Variants in GABPB1 observed in about 807,000 individuals in gnomAD.
The protein encoded by GABPB1 is GA binding protein transcription factor subunit beta 1, also known as GA-binding protein subunit beta-1.
A neutral mutation model predicts 45.9 loss-of-function variants in GABPB1; 15 were observed. The ratio of observed to expected loss-of-function variants is 0.33; its 90% CI spans 0.22 to 0.50. The LOEUF (loss-of-function observed/expected upper bound fraction) is 0.50. Ranked by LOEUF, GABPB1 falls within the 20% of genes least tolerant of loss-of-function variation. The pLI is 0.98. For synonymous variants in GABPB1, 143 were observed against 154.4 expected, an observed-to-expected ratio of 0.93 and a Z score of 0.55; for missense variants, 252 against 457.5, an observed-to-expected ratio of 0.55 and a Z score of 4.10.
At chr15:50,354,574 T>G (rs1301204490) in intron 1 of GABPB1, 13 of 448,892 alleles carry the variant, frequency 2.9e-5, no homozygotes, top group Non-Finnish European at 4.5e-5. Context: ...TTCCTCTTTC[T>G]CCCGCCCACT....
intron 1 of GABPB1, among the ~76,000 whole-genome samples, chr15:50,325,821 G>A (rs2047736029): frequency 6.6e-6 from 1 of 151,712 alleles, no homozygotes; most frequent in South Asian, 2.1e-4. Flanking sequence ...GTGAGCCACT[G>A]CGCCCGGCCT....
At chr15:50,308,865 GA>G (rs2047034238) in intron 2 of GABPB1, among the ~76,000 whole-genome samples, 2 of 152,000 alleles carry the variant, frequency 1.3e-5, no homozygotes, top group Non-Finnish European at 2.9e-5. Flanking sequence ...ATGGTCCCTG[GA>G]ATTTGCTTTA....
At chr15:50,311,190 T>G (rs2047121328) in intron 1 of GABPB1, among the ~76,000 whole-genome samples, 1 of 152,050 alleles carries the variant, frequency 6.6e-6, no homozygotes, top group Non-Finnish European at 1.5e-5. Flanking sequence ...ACATTCAAAT[T>G]CAAGGGATGA....
chr15:50,290,219 A>C (rs576166312), intron 6 of GABPB1, among the ~76,000 whole-genome samples: 2 of 152,326 alleles, frequency 1.3e-5, no homozygotes, highest in African/African-American at 2.4e-5. Flanking sequence ...TGAGTGGTTA[A>C]ACAATTTCTC....
intron 6 of GABPB1, among the ~76,000 whole-genome samples, chr15:50,291,341 C>G (rs926124041): frequency 6.7e-6 from 1 of 149,416 alleles, no homozygotes; most frequent in Non-Finnish European, 1.5e-5. Flanking sequence ...TTTTTTGAGA[C>G]GAAATCTCAC....
intron 7 of GABPB1, among the ~76,000 whole-genome samples, chr15:50,286,952 T>A (rs1488266602): frequency 6.6e-6 from 1 of 152,162 alleles, no homozygotes; most frequent in African/African-American, 2.4e-5. Context: ...CCTTTAAAAT[T>A]TTTTGCCAAA....
At chr15:50,326,836 A>T (rs1427812644) in intron 1 of GABPB1, among the ~76,000 whole-genome samples, 2 of 124,118 alleles carry the variant, frequency 1.6e-5, no homozygotes, top group African/African-American at 8.2e-5. Flanking sequence ...CCCCGTCTTT[A>T]AAAAAAAAAA....
At chr15:50,334,030 CA>C (rs34377380) in intron 1 of GABPB1, among the ~76,000 whole-genome samples, 72 of 125,582 alleles carry the variant, frequency 5.7e-4, no homozygotes, top group Non-Finnish European at 6.4e-4. Context: ...AACTCGATCT[CA>C]AAAAAAAAAA....
intron 1 of GABPB1, among the ~76,000 whole-genome samples, chr15:50,338,841 T>C (rs1287263535): frequency 6.6e-6 from 1 of 152,216 alleles, no homozygotes; most frequent in Non-Finnish European, 1.5e-5. Context: ...TCTATTTTTG[T>C]TTCTTTGAAT....
Position 50,300,847 on chromosome 15 carries a change from A to G in GABPB1, c.639T>C (p.Ala213=), listed in dbSNP as rs752361333. 1.7e-5 allele frequency: 28 copies of G among 1,613,290 alleles called. No individual in the cohort carries two copies. The highest frequency in any genetic ancestry group is 2.2e-5 in the Non-Finnish European group (26 of 1,179,360). Residue 213 remains alanine, a synonymous_variant, in exon 6 of 9, where the codon GCT becomes GCC. Coordinates refer to ENST00000380877, the MANE Select transcript of GABPB1 (RefSeq NM_016654.5). ...QFGNSSTSVL[A]TLAALAEASA... ...ATGCTTCAGCTAAGGCAGCTAATGT[A>G]GCTAATACTGATGTAGAAGAGTTTC... is the stretch of plus-strand genomic sequence containing the variant.
At chr15:50,335,198 A>G (rs1444097389) in intron 1 of GABPB1, among the ~76,000 whole-genome samples, 2 of 152,178 alleles carry the variant, frequency 1.3e-5, no homozygotes, top group African/African-American at 4.8e-5. Context: ...GCTCAGTACC[A>G]ACACAACTTG....
chr15:50,304,418 T>G (rs2046867591), intron 2 of GABPB1, among the ~76,000 whole-genome samples: 1 of 152,168 alleles, frequency 6.6e-6, no homozygotes, highest in East Asian at 1.9e-4. Context: ...CATTAGAAAT[T>G]AAGATATAGA....
chr15:50,305,575 T>A (rs1489034997), intron 2 of GABPB1, among the ~76,000 whole-genome samples: 1 of 152,150 alleles, frequency 6.6e-6, no homozygotes, highest in Non-Finnish European at 1.5e-5. Context: ...CCTTAAACAA[T>A]CCTTTCTTTC....
At chr15:50,310,053 G>T (rs1026685910) in intron 1 of GABPB1, among the ~76,000 whole-genome samples, 10 of 152,176 alleles carry the variant, frequency 6.6e-5, no homozygotes, top group African/African-American at 2.4e-4. Context: ...GTAAAAGATA[G>T]AAGAGGTAAG....
At chr15:50,313,808 ATTT>A in intron 1 of GABPB1, among the ~76,000 whole-genome samples, 1 of 152,154 alleles carries the variant, frequency 6.6e-6, no homozygotes, top group Non-Finnish European at 1.5e-5. Flanking sequence ...AAATTTTGTC[ATTT>A]TACAAAGTTT....
chr15:50,283,086 C>T (rs2046040092), intron 8 of GABPB1, among the ~76,000 whole-genome samples: 2 of 152,132 alleles, frequency 1.3e-5, no homozygotes, highest in African/African-American at 4.8e-5. Context: ...AAACATTTAT[C>T]TCTAACCTCC....
In GABPB1 at chr15:50,278,061, T is replaced by C. The variant is rs2045872930; in HGVS notation, c.*571A>G. The C allele has an allele frequency of 6.6e-6, 1 of 152,638 alleles. No individual in the cohort carries two copies. Among genetic ancestry groups the C allele is most frequent in the Non-Finnish European group, 1.5e-5 (1 of 68,034 alleles). The allele number at this position is 152,638 out of a possible 1,614,324, so 9.5% of individuals were successfully genotyped here. On this transcript the variant is annotated 3_prime_UTR_variant, in exon 9 of 9. Transcript: ENST00000380877. ...ACAGAAATTTTTAAAAATATTTGCTTCATATACATGTAAATCTACTTGGGT... is the reference window on the plus strand; with the variant it reads ...ACAGAAATTTTTAAAAATATTTGCTCCATATACATGTAAATCTACTTGGGT...
rs1004572155 is a variant in GABPB1, at chr15:50,275,518, C to T, written c.*3114G>A. On this transcript the variant is annotated 3_prime_UTR_variant, in exon 9 of 9. Coordinates refer to ENST00000380877, the MANE Select transcript of GABPB1 (RefSeq NM_016654.5). ...AAAATGCAATTAATACCCTGATAAA[C>T]CCATTGTAAAGTCAAACAATCATAA... The T allele has an allele frequency of 5.3e-5, 8 of 152,116 alleles. No individual in the cohort carries two copies. Among genetic ancestry groups the T allele is most frequent in the South Asian group, 2.1e-4 (1 of 4,830 alleles). The allele number at this position is 152,116 out of a possible 1,614,324, so 9.4% of individuals were successfully genotyped here. A position where few individuals can be genotyped will look rare whatever the true frequency, so the allele number is the denominator to read the frequency against.
chr15:50,296,285 T>A (rs1368459808), intron 6 of GABPB1, among the ~76,000 whole-genome samples: 1 of 152,216 alleles, frequency 6.6e-6, no homozygotes, highest in Non-Finnish European at 1.5e-5. Flanking sequence ...GAGCTTACAC[T>A]ATATTTTGGT....
Sources: gnomAD v4.1 joint callset for allele counts (sites outside exome capture counted in the v4.1 genomes callset) on GRCh38, gnomAD v4.1.1 for gene constraint, MANE v1.5 for transcripts, NCBI Gene and HGNC (gene_info 2026-07-23, HGNC 2026-07-21) for gene names.